Variants in ZSCAN5A observed in about 807,000 individuals in gnomAD.
The protein encoded by ZSCAN5A is zinc finger and SCAN domain-containing protein 5A.
ZSCAN5A carries 12 observed loss-of-function variants against 23.7 expected under a neutral mutation model. The ratio of observed to expected loss-of-function variants is 0.51; its 90% CI spans 0.32 to 0.82. The LOEUF is 0.82. Among genes scored for constraint, ZSCAN5A ranks in the 40% least tolerant of loss-of-function variants. The probability of loss-of-function intolerance (pLI) is 0.03; values close to 1 mark genes in which losing one functional copy is unlikely to be tolerated. For missense variants in ZSCAN5A, 597 were observed against 617.9 expected (o/e 0.97, Z 0.36); for synonymous variants, 257 against 239.9 (o/e 1.07, Z -0.66).
chr19:56,301,206 C>A (rs927819648), intron 2 of ZSCAN5A, among the ~76,000 whole-genome samples: 2 of 152,198 alleles, frequency 1.3e-5, no homozygotes, highest in Non-Finnish European at 2.9e-5. Flanking sequence ...ATAGGCAGAG[C>A]AGCAGCAAGG....
chr19:56,265,948 C>G (rs1280659275), intron 2 of ZSCAN5A, among the ~76,000 whole-genome samples: 1 of 152,090 alleles, frequency 6.6e-6, no homozygotes, highest in African/African-American at 2.4e-5. Context: ...CCACCAGGAC[C>G]ACATACAGTG....
At chr19:56,260,071 G>A (rs2037009770) in intron 2 of ZSCAN5A, among the ~76,000 whole-genome samples, 2 of 152,116 alleles carry the variant, frequency 1.3e-5, no homozygotes, top group South Asian at 4.1e-4. Flanking sequence ...TCGGCAAGGA[G>A]AACACCACTA....
intron 2 of ZSCAN5A, chr19:56,343,062 G>A: frequency 1.2e-6 from 1 of 811,858 alleles, no homozygotes; most frequent in South Asian, 1.3e-5. Flanking sequence ...ACCTTGGCTT[G>A]TTCCAGCAAG....
At chr19:56,337,270 G>A (rs2041547967) in intron 2 of ZSCAN5A, among the ~76,000 whole-genome samples, 2 of 152,204 alleles carry the variant, frequency 1.3e-5, no homozygotes, top group South Asian at 2.1e-4. Flanking sequence ...ACCTACTCAA[G>A]CCCCGGCAAT....
chr19:56,301,866 G>T, intron 2 of ZSCAN5A: 1 of 1,216,778 alleles, frequency 8.2e-7, no homozygotes, highest in Non-Finnish European at 1.0e-6. Flanking sequence ...GGCAGGCAGA[G>T]ATGTGAGTTT....
At chr19:56,227,821 G>T (rs1259049089) in intron 2 of ZSCAN5A, among the ~76,000 whole-genome samples, 1 of 152,020 alleles carries the variant, frequency 6.6e-6, no homozygotes, top group Non-Finnish European at 1.5e-5. Context: ...TTGGAAGACC[G>T]ACATGGGAAC....
At chr19:56,286,412 G>A (rs973157149) in intron 2 of ZSCAN5A, 1 of 152,058 alleles carries the variant, frequency 6.6e-6, no homozygotes, top group Non-Finnish European at 1.5e-5. Context: ...TGTTCTTGCT[G>A]CATCTATGCA....
At position 56,263,367 on chromosome 19, in the gene ZSCAN5A, T is replaced by G. The variant is rs545360724; in HGVS notation, c.-127-38194A>C. ...CTCTGGAACAAATAATATTTCACTT[T>G]TCCGAAAGCCAGAGCTTTGGGATCC... is the stretch of plus-strand genomic sequence containing the variant. On this transcript the variant is annotated intron_variant, in intron 2 of 5. Coordinates refer to ENST00000683990, the MANE Select transcript of ZSCAN5A (RefSeq NM_001322064.3). The G allele has an allele frequency of 2.6e-5, 4 of 152,298 alleles. No individual in the cohort carries two copies. The South Asian group carries it at 8.3e-4, about 32-fold the overall frequency. 9.4% of individuals were successfully genotyped at this position (152,298 alleles called of 1,614,324 possible). A position where few individuals can be genotyped will look rare whatever the true frequency, so the allele number is the denominator to read the frequency against.
rs368509037 is a variant in ZSCAN5A at position 56,223,738 on chromosome 19, C to T, written c.481G>A (p.Val161Met). 9 of 1,613,810 alleles carry T rather than the reference C, an allele frequency of 5.6e-6. No individual in the cohort carries two copies. Among genetic ancestry groups the T allele is most frequent in the African/African-American group, 5.3e-5 (4 of 74,844 alleles). Reference sequence around the variant, plus strand: ...ACCGAGGAGGCCCGTTGGCTGGACACGTCTTTCAGATCATCTCTGACACTG... The same window carrying T: ...ACCGAGGAGGCCCGTTGGCTGGACATGTCTTTCAGATCATCTCTGACACTG... The part of the protein sequence containing the change: ...PSSVRDDLKD[V>M]SSQRASSVNQ... Residue 161 changes from valine (V) to methionine (M), a missense_variant, in exon 4 of 6, where the codon GTG becomes ATG. Coordinates refer to ENST00000683990, the MANE Select transcript of ZSCAN5A (RefSeq NM_001322064.3).
chr19:56,226,726 G>A (rs1288429959), intron 2 of ZSCAN5A, among the ~76,000 whole-genome samples: 10 of 152,310 alleles, frequency 6.6e-5, no homozygotes, highest in Non-Finnish European at 1.2e-4. Context: ...GTACACAGAG[G>A]AAAGGAAATC....
chr19:56,269,131 G>A (rs546470253), intron 2 of ZSCAN5A, among the ~76,000 whole-genome samples: 15 of 152,148 alleles, frequency 9.9e-5, no homozygotes, highest in East Asian at 1.9e-4. Context: ...CCGTGCTTTC[G>A]GGTACATACC....
intron 2 of ZSCAN5A, among the ~76,000 whole-genome samples, chr19:56,353,900 C>T (rs1022806875): frequency 1.3e-5 from 2 of 152,120 alleles, no homozygotes; most frequent in African/African-American, 2.4e-5. Flanking sequence ...ACATGTCCAT[C>T]GACAGATGAA....
At chr19:56,319,163 C>T (rs1428566932), upstream of ZSCAN5A, among the ~76,000 whole-genome samples, 1 of 152,008 alleles carries the variant, frequency 6.6e-6, no homozygotes, top group African/African-American at 2.4e-5. Flanking sequence ...TATTTCTTGT[C>T]TCCCTTTCTT....
intron 2 of ZSCAN5A, among the ~76,000 whole-genome samples, chr19:56,251,064 C>A (rs981308281): frequency 6.6e-6 from 1 of 151,512 alleles, no homozygotes; most frequent in Non-Finnish European, 1.5e-5. Context: ...GCAGGAGAAT[C>A]GCTTGAACCC....
Position 56,313,478 on chromosome 19 carries a change from G to T in ZSCAN5A, c.-229-94C>A, listed in dbSNP as rs188106463. On this transcript the variant is annotated intron_variant, in intron 1 of 5. Transcript: ENST00000683990. ...CCCCCATGATTCAATTACCTCCCACGGGGTCCCTCCCACATGTGGGAATTC... is the reference window on the plus strand; with the variant it reads ...CCCCCATGATTCAATTACCTCCCACTGGGTCCCTCCCACATGTGGGAATTC... The T allele has an allele frequency of 1.9e-4, 30 of 155,836 alleles. No individual in the cohort carries two copies. In the East Asian group the frequency reaches 4.8e-3, roughly 25 times the overall value. 9.7% of individuals were successfully genotyped at this position (155,836 alleles called of 1,614,324 possible).
chr19:56,338,980 T>C (rs1160748925), intron 2 of ZSCAN5A, among the ~76,000 whole-genome samples: 1 of 152,178 alleles, frequency 6.6e-6, no homozygotes. Flanking sequence ...AGTGCAAAAA[T>C]GCCTGCAGGG....
chr19:56,234,288 C>T (rs1241995961), intron 2 of ZSCAN5A, among the ~76,000 whole-genome samples: 1 of 152,150 alleles, frequency 6.6e-6, no homozygotes, highest in Non-Finnish European at 1.5e-5. Context: ...TTCCTGGGCT[C>T]CCCGGTTCAG....
chr19:56,225,314 CTACA>C, intron 2 of ZSCAN5A, 141 bp from the exon 3 acceptor site: 2 of 637,824 alleles, frequency 3.1e-6, no homozygotes, highest in Non-Finnish European at 4.5e-6. Flanking sequence ...CTATACCTGA[CTACA>C]TACTCTGGTT....
chr19:56,342,991 C>T (rs1204217490), intron 2 of ZSCAN5A: 4 of 851,050 alleles, frequency 4.7e-6, no homozygotes, highest in Admixed American at 1.7e-5. Flanking sequence ...TGCCTCCAAT[C>T]GTCTTTTCAG....
Sources: allele counts gnomAD v4.1 joint callset (sites outside exome capture counted in the v4.1 genomes callset), GRCh38; gene constraint gnomAD v4.1.1; transcripts MANE v1.5; gene names NCBI Gene and HGNC (gene_info 2026-07-23, HGNC 2026-07-21).